Variants in MATCAP2 observed in about 807,000 individuals in gnomAD.
MATCAP2 encodes the protein microtubule associated tyrosine carboxypeptidase 2, also known as putative tyrosine carboxypeptidase MATCAP2.
At chr7:36,356,285 C>T in the MATCAP2 span, 12,545 of 154,646 alleles carry the variant, frequency 0.081, 674 homozygotes, top group East Asian at 0.14. Flanking sequence ...GAGGCCAAGG[C>T]GGGCAAATCA....
the MATCAP2 span, among the ~76,000 whole-genome samples, chr7:36,332,551 T>C: frequency 4.6e-5 from 7 of 152,208 alleles, no homozygotes; most frequent in Non-Finnish European, 8.8e-5. Flanking sequence ...AACACTAGTA[T>C]GAAATGTTAA....
the MATCAP2 span, among the ~76,000 whole-genome samples, chr7:36,382,259 T>C: frequency 1.5e-5 from 2 of 135,724 alleles, no homozygotes; most frequent in Non-Finnish European, 3.0e-5. Flanking sequence ...GTGAGCAGAG[T>C]TGTGCAACTG....
At chr7:36,364,261 A>T in the MATCAP2 span, among the ~76,000 whole-genome samples, 1 of 151,796 alleles carries the variant, frequency 6.6e-6, no homozygotes, top group African/African-American at 2.4e-5. Context: ...CTAATTTTTT[A>T]ATTTTTTGTA....
chr7:36,366,378 T>C, the MATCAP2 span, among the ~76,000 whole-genome samples: 2 of 152,230 alleles, frequency 1.3e-5, no homozygotes, highest in African/African-American at 2.4e-5. Context: ...CTTTCTGACC[T>C]GGGGTCTGTT....
the MATCAP2 span, chr7:36,324,248 T>C: frequency 1.3e-5 from 2 of 152,228 alleles, no homozygotes; most frequent in Admixed American, 1.3e-4. Flanking sequence ...CGTTTCTTTT[T>C]ATTATAGCTA....
At chr7:36,376,538 A>G in the MATCAP2 span, among the ~76,000 whole-genome samples, 1 of 152,166 alleles carries the variant, frequency 6.6e-6, no homozygotes, top group Non-Finnish European at 1.5e-5. Context: ...GAATAAGTGC[A>G]ATGCGGTGCT....
At chr7:36,343,917 C>T in the MATCAP2 span, among the ~76,000 whole-genome samples, 3 of 152,062 alleles carry the variant, frequency 2.0e-5, no homozygotes, top group African/African-American at 7.2e-5. Flanking sequence ...AATAAAAAGA[C>T]CTGAGTAAAA....
chr7:36,367,261 G>C, the MATCAP2 span: 1 of 1,070,904 alleles, frequency 9.3e-7, no homozygotes, highest in Admixed American at 5.4e-5. Context: ...GTCCGCGCGC[G>C]CTGCGCTTCA....
chr7:36,373,305 C>T, the MATCAP2 span, among the ~76,000 whole-genome samples: 4 of 152,018 alleles, frequency 2.6e-5, no homozygotes, highest in Middle Eastern at 3.2e-3. Flanking sequence ...CACGGCAAAT[C>T]GGTAAAGTAT....
the MATCAP2 span, among the ~76,000 whole-genome samples, chr7:36,369,352 A>T: frequency 6.6e-6 from 1 of 152,234 alleles, no homozygotes; most frequent in Admixed American, 6.5e-5. Context: ...AATTCTTGCA[A>T]CATATGTCCT....
chr7:36,335,235 G>A, the MATCAP2 span: 3 of 1,520,634 alleles, frequency 2.0e-6, no homozygotes, highest in South Asian at 2.3e-5. Context: ...GGTAAGGGGA[G>A]AAGCTTTCAC....
the MATCAP2 span, among the ~76,000 whole-genome samples, chr7:36,347,928 A>G: frequency 3.9e-5 from 6 of 152,178 alleles, no homozygotes; most frequent in Non-Finnish European, 8.8e-5. Context: ...TTCTTGAGGG[A>G]AAGCAGTCAA....
the MATCAP2 span, among the ~76,000 whole-genome samples, chr7:36,365,276 C>T: frequency 6.6e-6 from 1 of 152,144 alleles, no homozygotes; most frequent in African/African-American, 2.4e-5. Flanking sequence ...TTCTTCAAGG[C>T]ATTGATTCTC....
the MATCAP2 span, among the ~76,000 whole-genome samples, chr7:36,379,488 A>G: frequency 6.6e-6 from 1 of 152,194 alleles, no homozygotes; most frequent in Non-Finnish European, 1.5e-5. Context: ...GTATATATAC[A>G]TAAAGATACC....
the MATCAP2 span, among the ~76,000 whole-genome samples, chr7:36,330,295 A>G: frequency 6.6e-6 from 1 of 152,060 alleles, no homozygotes; most frequent in Non-Finnish European, 1.5e-5. Context: ...CATGTTGCCC[A>G]GGCTGCTCTC....
chr7:36,359,793 A>C, the MATCAP2 span, among the ~76,000 whole-genome samples: 3 of 152,236 alleles, frequency 2.0e-5, no homozygotes, highest in South Asian at 6.2e-4. Flanking sequence ...AAAACTGAGC[A>C]GGCCAAGCAA....
the MATCAP2 span, among the ~76,000 whole-genome samples, chr7:36,377,999 C>T: frequency 4.6e-5 from 7 of 152,236 alleles, no homozygotes; most frequent in South Asian, 2.1e-4. Context: ...GTTAGCCATT[C>T]GTCTAATGTT....
the MATCAP2 span, among the ~76,000 whole-genome samples, chr7:36,353,284 A>C: frequency 1.3e-5 from 2 of 152,292 alleles, no homozygotes; most frequent in African/African-American, 2.4e-5. Flanking sequence ...GTCTCAAAAA[A>C]AGATGCTACA....
the MATCAP2 span, among the ~76,000 whole-genome samples, chr7:36,386,447 ATGTG>A: frequency 3.3e-4 from 49 of 148,520 alleles, no homozygotes; most frequent in African/African-American, 8.4e-4. Context: ...GTATGTGTGT[ATGTG>A]TGTGTGTGTG....
Sources: allele counts gnomAD v4.1 joint callset (sites outside exome capture counted in the v4.1 genomes callset), GRCh38; gene constraint gnomAD v4.1.1; transcripts MANE v1.5; gene names NCBI Gene and HGNC (gene_info 2026-07-23, HGNC 2026-07-21).